Variants in CDH7 observed in about 807,000 individuals in gnomAD.
CDH7 encodes the protein cadherin-7.
CDH7 carries 25 observed loss-of-function variants against 71.8 expected under a neutral mutation model. The observed-to-expected ratio is 0.35, with a 90% confidence interval of 0.25 to 0.49. CDH7 has a LOEUF of 0.49. Ranked by LOEUF, CDH7 falls within the 20% of genes least tolerant of loss-of-function variation. The pLI, the probability that CDH7 is intolerant of heterozygous loss-of-function variation, is 0.99. For synonymous variants in CDH7, 381 were observed against 363.8 expected (o/e 1.05, Z -0.54); for missense variants, 862 against 974.6 (o/e 0.88, Z 1.54).
At chr18:65,829,775 AGTGT>A (rs3061822) in intron 6 of CDH7, among the ~76,000 whole-genome samples, 5,869 of 138,048 alleles carry the variant, frequency 0.043, 132 homozygotes, top group African/African-American at 0.06. Context: ...CAAGGAAGGG[AGTGT>A]GTGTGTGTGT....
chr18:65,793,854 A>G (rs1910804269), intron 2 of CDH7, among the ~76,000 whole-genome samples: 1 of 152,168 alleles, frequency 6.6e-6, no homozygotes, highest in South Asian at 2.1e-4. Flanking sequence ...GGAGCACATG[A>G]AAAGTGTAAG....
intron 11 of CDH7, among the ~76,000 whole-genome samples, 173 bp from the exon 12 acceptor site, chr18:65,880,228 T>C (rs1169529365): frequency 5.3e-5 from 8 of 152,150 alleles, no homozygotes; most frequent in Non-Finnish European, 1.0e-4. Flanking sequence ...TTAAAGCCAC[T>C]TTAGCAATTT....
At chr18:65,816,909 G>T (rs567996292) in intron 4 of CDH7, among the ~76,000 whole-genome samples, 41 of 152,238 alleles carry the variant, frequency 2.7e-4, no homozygotes, top group African/African-American at 9.6e-4. Flanking sequence ...AACATACTTA[G>T]GAGTATTCTA....
In CDH7 at chr18:65,887,365, A is replaced by G. The variant is rs981721096; in HGVS notation, c.*6471A>G. On this transcript the variant is annotated 3_prime_UTR_variant, in exon 12 of 12. Coordinates refer to ENST00000397968, the MANE Select transcript of CDH7 (RefSeq NM_004361.5). ...TGTGCCATGCTGGTGTGCGGCACCC[A>G]TTAACTCGTCATTTAGCATTAGGTA... 1.3e-5 allele frequency: 2 copies of G among 151,944 alleles called. No individual in the cohort carries two copies. Among genetic ancestry groups the G allele is most frequent in the East Asian group, 1.9e-4 (1 of 5,130 alleles). The allele number at this position is 151,944 out of a possible 1,614,324, so 9.4% of individuals were successfully genotyped here. A position where few individuals can be genotyped will look rare whatever the true frequency, so the allele number is the denominator to read the frequency against.
At chr18:65,777,408 CA>C (rs1445980956) in intron 2 of CDH7, among the ~76,000 whole-genome samples, 1 of 151,934 alleles carries the variant, frequency 6.6e-6, no homozygotes, top group Non-Finnish European at 1.5e-5. Context: ...CCAGAGTCTC[CA>C]AAAGGAGATT....
chr18:65,883,190 A>G lies in CDH7; in HGVS notation c.*2296A>G, dbSNP rs1914279550. ...TTGCTATTTATGTGTGGATGATTAT[A>G]TGAATACAGTATTACATTTCATTCA... On this transcript the variant is annotated 3_prime_UTR_variant, in exon 12 of 12. Transcript: ENST00000397968. 6.6e-6 allele frequency: 1 copy of G among 152,060 alleles called. No homozygotes were observed. Among genetic ancestry groups the G allele is most frequent in the South Asian group, 2.1e-4 (1 of 4,832 alleles). 9.4% of individuals were successfully genotyped at this position (152,060 alleles called of 1,614,324 possible).
intron 11 of CDH7, among the ~76,000 whole-genome samples, chr18:65,869,943 G>A (rs1599065130): frequency 1.3e-5 from 2 of 152,070 alleles, no homozygotes; most frequent in South Asian, 2.1e-4. Flanking sequence ...TTCCCAAGAC[G>A]CTATATTTTT....
chr18:65,801,301 C>T (rs534579104), intron 2 of CDH7, among the ~76,000 whole-genome samples: 4 of 152,216 alleles, frequency 2.6e-5, no homozygotes, highest in South Asian at 2.1e-4. Context: ...GTTTAGGCAT[C>T]GGGATATGCA....
intron 2 of CDH7, among the ~76,000 whole-genome samples, chr18:65,804,431 T>C (rs1911238047): frequency 6.6e-6 from 1 of 152,196 alleles, no homozygotes; most frequent in Non-Finnish European, 1.5e-5. Context: ...TGATTGTTTT[T>C]ACCTTTATCT....
chr18:65,808,531 A>T (rs182618918), intron 2 of CDH7, among the ~76,000 whole-genome samples: 48 of 152,344 alleles, frequency 3.2e-4, no homozygotes, highest in Non-Finnish European at 6.0e-4. Flanking sequence ...AAGGTAAATC[A>T]GGTATTCAAG....
chr18:65,810,901 G>A (rs1387095724), intron 3 of CDH7, among the ~76,000 whole-genome samples: 5 of 151,976 alleles, frequency 3.3e-5, no homozygotes, highest in South Asian at 2.1e-4. Flanking sequence ...TTTTGTCATC[G>A]CGCCATTACT....
At chr18:65,754,533 A>AT (rs1345381884) in intron 1 of CDH7, among the ~76,000 whole-genome samples, 1 of 152,210 alleles carries the variant, frequency 6.6e-6, no homozygotes, top group Non-Finnish European at 1.5e-5. Context: ...AAATTATCGA[A>AT]TGTGATGTTA....
intron 2 of CDH7, among the ~76,000 whole-genome samples, chr18:65,782,109 T>TC (rs1429125651): frequency 1.6e-3 from 50 of 32,150 alleles, no homozygotes; most frequent in Admixed American, 4.9e-3. Context: ...CTTCCTTCCT[T>TC]CTTTCTTTCT....
rs757403413 is a variant in CDH7, at chr18:65,890,085, C to T, written c.*9191C>T. 6.6e-6 allele frequency: 1 copy of T among 152,124 alleles called. No individual in the cohort carries two copies. The highest frequency in any genetic ancestry group is 1.5e-5 in the Non-Finnish European group (1 of 67,994). The allele number at this position is 152,124 out of a possible 1,614,324, so 9.4% of individuals were successfully genotyped here. A position where few individuals can be genotyped will look rare whatever the true frequency, so the allele number is the denominator to read the frequency against. On this transcript the variant is annotated 3_prime_UTR_variant, in exon 12 of 12. Transcript: ENST00000397968. ...AGGTGTGAGTCACCATGCCAGGTGT[C>T]TCCCATTTTTTAATGGTAGCTTAAC...
chr18:65,854,337 A>T (rs1447062010), intron 7 of CDH7, among the ~76,000 whole-genome samples: 1 of 152,002 alleles, frequency 6.6e-6, no homozygotes, highest in Non-Finnish European at 1.5e-5. Context: ...GGGAAGCTGC[A>T]GAGTGTATAA....
rs576253553 is a variant in CDH7 at position 65,801,669 on chromosome 18, G to A, written c.211-8035G>A. On this transcript the variant is annotated intron_variant, in intron 2 of 11. Coordinates refer to ENST00000397968, the MANE Select transcript of CDH7 (RefSeq NM_004361.5). ...TTTGCCCTCCTTGTTCTGTGTTATC[G>A]CTGACGTTCTGTGTTTGTCCATATC... 7.1e-4 allele frequency among the ~76,000 whole-genome samples: 108 copies of A among 152,180 alleles called. 1 individual carries two copies. The highest frequency in any genetic ancestry group is 1.9e-3 in the African/African-American group (80 of 41,528).
intron 10 of CDH7, among the ~76,000 whole-genome samples, chr18:65,860,998 G>A (rs1913544065): frequency 1.3e-5 from 2 of 152,098 alleles, no homozygotes; most frequent in Non-Finnish European, 2.9e-5. Flanking sequence ...TCAGCATTTA[G>A]GTTCATCTGG....
At chr18:65,801,256 C>A (rs1911113092) in intron 2 of CDH7, among the ~76,000 whole-genome samples, 1 of 152,118 alleles carries the variant, frequency 6.6e-6, no homozygotes, top group Non-Finnish European at 1.5e-5. Context: ...GATGAAGAAA[C>A]AAACAGGCTA....
rs1338935379 is a variant in CDH7, at chr18:65,888,770, C to A, written c.*7876C>A. The A allele has an allele frequency of 1.3e-5, 2 of 151,850 alleles. No individual in the cohort carries two copies. Among genetic ancestry groups the A allele is most frequent in the African/African-American group, 4.8e-5 (2 of 41,318 alleles). 9.4% of individuals were successfully genotyped at this position (151,850 alleles called of 1,614,324 possible). ...ACACACACACACACACACACTCACA[C>A]ACACACGAAGTAAATGGTAGAAATG... On this transcript the variant is annotated 3_prime_UTR_variant, in exon 12 of 12. Transcript: ENST00000397968.
Sources: gnomAD v4.1 joint callset for allele counts (sites outside exome capture counted in the v4.1 genomes callset) on GRCh38, gnomAD v4.1.1 for gene constraint, MANE v1.5 for transcripts, NCBI Gene and HGNC (gene_info 2026-07-23, HGNC 2026-07-21) for gene names.